The following HIPK3 variants were observed in gnomAD, a reference collection of about 807,000 sequenced individuals.
HIPK3 encodes homeodomain-interacting protein kinase 3.
Under a neutral mutation model 124.2 loss-of-function variants are expected in HIPK3, and 47 were observed. The ratio of observed to expected loss-of-function variants is 0.38; its 90% CI spans 0.30 to 0.48. The LOEUF (loss-of-function observed/expected upper bound fraction) is 0.48. HIPK3 is among the 20% of genes least tolerant of loss of function. HIPK3 has a pLI of 0.98. For missense variants in HIPK3, 1,286 were observed against 1,454.3 expected (o/e 0.88, Z 1.88); for synonymous variants, 482 against 515.2 (o/e 0.94, Z 0.87).
In HIPK3 at chr11:33,347,945, T is replaced by C. The variant is rs776051824; in HGVS notation, c.2238T>C (p.Ser746=). ...QITLSAPQPV[S]VGIAHVVWPQ... ...CTTTATCTGCCCCTCAGCCAGTTAG[T>C]GTGGGGATTGCACATGTTGTCTGGC... is the stretch of plus-strand genomic sequence containing the variant. The change falls in exon 11 of 17, where the codon AGT becomes AGC. Residue 746 remains serine (S), a synonymous_variant. Coordinates refer to ENST00000303296, the MANE Select transcript of HIPK3 (RefSeq NM_005734.5). The C allele has an allele frequency of 1.9e-5, 31 of 1,614,054 alleles. No homozygotes were observed. The highest frequency in any genetic ancestry group is 1.2e-5 in the Non-Finnish European group (14 of 1,180,028).
intron 2 of HIPK3, among the ~76,000 whole-genome samples, chr11:33,288,953 A>G (rs527665023): frequency 2.0e-5 from 3 of 152,334 alleles, no homozygotes; most frequent in African/African-American, 4.8e-5. Flanking sequence ...AGACCCACCA[A>G]GGAGTATATT....
intron 2 of HIPK3, among the ~76,000 whole-genome samples, chr11:33,317,082 T>A (rs1852523984): frequency 6.6e-6 from 1 of 151,776 alleles, no homozygotes; most frequent in African/African-American, 2.4e-5. Context: ...GGAATTCTCA[T>A]GCCTCAGCCT....
At chr11:33,308,742 C>CT (rs35729613) in intron 2 of HIPK3, among the ~76,000 whole-genome samples, 81,720 of 139,594 alleles carry the variant, frequency 0.59, 24,141 homozygotes, top group African/African-American at 0.71. Context: ...TTTCTTTTAA[C>CT]TTTTTTTTTT....
intron 3 of HIPK3, among the ~76,000 whole-genome samples, chr11:33,330,573 T>G (rs1028555722): frequency 1.3e-5 from 2 of 152,168 alleles, no homozygotes; most frequent in Non-Finnish European, 1.5e-5. Context: ...GTGATTTGCC[T>G]GCCTCAGCCT....
chr11:33,257,643 A>T lies in HIPK3; in HGVS notation c.-249A>T. ...ATCCCCGGGAAGGAAGATGAGGGAG[A>T]CGGGCCCGGCGCTTAGCAGCCAGAG... is the stretch of plus-strand genomic sequence containing the variant. On this transcript the variant is annotated 5_prime_UTR_variant, in exon 1 of 17. Coordinates refer to ENST00000303296, the MANE Select transcript of HIPK3 (RefSeq NM_005734.5). 1.0e-6 allele frequency: 1 copy of T among 990,600 alleles called. No homozygotes were observed. The highest frequency in any genetic ancestry group is 1.2e-6 in the Non-Finnish European group (1 of 833,640). The allele number at this position is 990,600 out of a possible 1,614,324, so 61.4% of individuals were successfully genotyped here.
In HIPK3 at chr11:33,341,147, A is replaced by T; in HGVS notation, c.1773+20A>T. On this transcript the variant is annotated intron_variant, in intron 7 of 16. Transcript: ENST00000303296. ...AGTCAGGTAAGAATGTGTAGTAATT[A>T]ATAACTTAGGGTCTTTTTTTAATGA... The T allele has an allele frequency of 6.5e-7, 1 of 1,529,608 alleles. No homozygotes were observed. The highest frequency in any genetic ancestry group is 1.7e-4 in the Middle Eastern group (1 of 5,742). The allele number at this position is 1,529,608 out of a possible 1,614,324, so 94.8% of individuals were successfully genotyped here.
intron 2 of HIPK3, among the ~76,000 whole-genome samples, chr11:33,307,194 C>T (rs7122231): frequency 0.21 from 32,268 of 151,916 alleles, 4,103 homozygotes; most frequent in East Asian, 0.37. Flanking sequence ...CCGCCTCAGC[C>T]TCCCAAAGTG....
intron 2 of HIPK3, among the ~76,000 whole-genome samples, chr11:33,301,821 G>GACACACACACACACAC (rs143389257): frequency 0.12 from 15,828 of 127,264 alleles, 1,332 homozygotes; most frequent in Middle Eastern, 0.17. Context: ...AACCCTGTCT[G>GACACACACACACACAC]ACACACACAC....
intron 1 of HIPK3, among the ~76,000 whole-genome samples, chr11:33,270,170 G>C (rs529197433): frequency 6.6e-6 from 1 of 151,268 alleles, no homozygotes; most frequent in Non-Finnish European, 1.5e-5. Flanking sequence ...GTAGAAATGG[G>C]GTTTCACCAT....
chr11:33,277,649 CT>C (rs1380849893), intron 1 of HIPK3, among the ~76,000 whole-genome samples: 1 of 152,082 alleles, frequency 6.6e-6, no homozygotes, highest in African/African-American at 2.4e-5. Flanking sequence ...ATTAATTTAC[CT>C]GTTTCTTTGT....
rs530732062 is a variant in HIPK3, at chr11:33,352,539, C to T, written c.3171+274C>T. On this transcript the variant is annotated intron_variant, in intron 16 of 16. Transcript: ENST00000303296. Reference sequence around the variant, plus strand: ...GTTATCTCAGAACATCATTAACCTTCCTGAATACTTTCCATCTTATTCAAC... The same window carrying T: ...GTTATCTCAGAACATCATTAACCTTTCTGAATACTTTCCATCTTATTCAAC... 1.1e-4 allele frequency among the ~76,000 whole-genome samples: 17 copies of T among 152,222 alleles called. No individual in the cohort carries two copies. In the South Asian group the frequency reaches 3.5e-3, roughly 32 times the overall value.
rs113037552 is a variant in HIPK3 at position 33,347,344 on chromosome 11, A to G, written c.1949A>G (p.Asn650Ser). ...ACCAGTTATTCAATAAGGGTAGATA[A>G]TACAGTTCCACTTGTAACTCAGGCC... ...KPTSYSIRVDNTVPLVTQAPA... is the reference protein window; with the variant it reads ...KPTSYSIRVDSTVPLVTQAPA... Residue 650 changes from asparagine (N) to serine (S), a missense_variant, in exon 9 of 17, where the codon AAT (asparagine) becomes AGT (serine). Transcript: ENST00000303296. 1.7e-4 allele frequency: 271 copies of G among 1,613,636 alleles called. No homozygotes were observed. The African/African-American group carries it at 3.3e-3, about 20-fold the overall frequency.
chr11:33,298,571 C>A (rs1851903995), intron 2 of HIPK3, among the ~76,000 whole-genome samples: 1 of 152,166 alleles, frequency 6.6e-6, no homozygotes, highest in African/African-American at 2.4e-5. Context: ...AAATTGAAAA[C>A]CTTCTGGAAA....
chr11:33,338,709 G>T (rs1853236849), intron 4 of HIPK3, 48 bp from the exon 5 acceptor site: 1 of 1,266,046 alleles, frequency 7.9e-7, no homozygotes. Flanking sequence ...CAGGATTAAA[G>T]AAATTTGTAA....
At chr11:33,295,168 T>C (rs140619367) in intron 2 of HIPK3, among the ~76,000 whole-genome samples, 1,560 of 151,880 alleles carry the variant, frequency 0.01, 8 homozygotes, top group Non-Finnish European at 0.015. Flanking sequence ...TTTGGGAGGA[T>C]CATAAAATGT....
chr11:33,272,768 C>CTCTCCTCCCTCCCACCCTT (rs1565056207), intron 1 of HIPK3, among the ~76,000 whole-genome samples: 13 of 75,430 alleles, frequency 1.7e-4, no homozygotes, highest in African/African-American at 6.3e-4. Context: ...CTCCCTCCCT[C>CTCTCCTCCCTCCCACCCTT]CCTCCTCCCT....
At chr11:33,347,491 T>C in intron 9 of HIPK3, 77 bp downstream of exon 9, 1 of 1,593,734 alleles carries the variant, frequency 6.3e-7, no homozygotes, top group South Asian at 1.1e-5. Flanking sequence ...GATAGGGATT[T>C]AATCCATTTT....
At chr11:33,274,529 G>A (rs1269603873) in intron 1 of HIPK3, among the ~76,000 whole-genome samples, 1 of 152,114 alleles carries the variant, frequency 6.6e-6, no homozygotes, top group Non-Finnish European at 1.5e-5. Context: ...TTTTTCTTTA[G>A]TACTTAAGTT....
chr11:33,328,377 C>A (rs1852870953), intron 2 of HIPK3, 133 bp from the exon 3 acceptor site: 1 of 795,126 alleles, frequency 1.3e-6, no homozygotes, highest in Non-Finnish European at 2.0e-6. Flanking sequence ...TCAAAGAGTT[C>A]TGAAATAGTG....
Sources: gnomAD v4.1 joint callset for allele counts (sites outside exome capture counted in the v4.1 genomes callset) on GRCh38, gnomAD v4.1.1 for gene constraint, MANE v1.5 for transcripts, NCBI Gene and HGNC (gene_info 2026-07-23, HGNC 2026-07-21) for gene names.